NWD2: variants seen among roughly 807,000 people sequenced by gnomAD.
The protein encoded by NWD2 is NACHT and WD repeat domain containing 2.
NWD2 carries 37 observed loss-of-function variants against 132.7 expected under a neutral mutation model. The ratio of observed to expected loss-of-function variants is 0.28; its 90% CI spans 0.21 to 0.37. NWD2 has a LOEUF of 0.37. Ranked by LOEUF, NWD2 falls within the 10% of genes least tolerant of loss-of-function variation. NWD2 has a pLI of 1.00. For synonymous variants in NWD2, 705 were observed against 803.0 expected, an observed-to-expected ratio of 0.88 and a Z score of 2.06; for missense variants, 1,592 against 2,122.4, an observed-to-expected ratio of 0.75 and a Z score of 4.91.
chr4:37,309,600 G>A (rs1776535), intron 1 of NWD2, among the ~76,000 whole-genome samples: 78,328 of 151,872 alleles, frequency 0.52, 20,553 homozygotes, highest in African/African-American at 0.59. Context: ...AATGGCTGGG[G>A]GGAGGTGGGA....
At chr4:37,328,969 C>T (rs1198134095) in intron 2 of NWD2, among the ~76,000 whole-genome samples, 1 of 151,990 alleles carries the variant, frequency 6.6e-6, no homozygotes, top group Non-Finnish European at 1.5e-5. Flanking sequence ...AAGACAGCTG[C>T]ATTCCTTGTC....
At chr4:37,380,050 T>A (rs903061192) in intron 3 of NWD2, among the ~76,000 whole-genome samples, 1 of 152,276 alleles carries the variant, frequency 6.6e-6, no homozygotes, top group Non-Finnish European at 1.5e-5. Context: ...TAAGAATTAA[T>A]GCATTTCATT....
At chr4:37,271,490 A>G (rs1717870325) in intron 1 of NWD2, among the ~76,000 whole-genome samples, 1 of 151,818 alleles carries the variant, frequency 6.6e-6, no homozygotes, top group African/African-American at 2.4e-5. Context: ...TCTTGTATCA[A>G]TCTTTACTTC....
chr4:37,247,909 C>T (rs989543686), intron 1 of NWD2, among the ~76,000 whole-genome samples: 15 of 152,130 alleles, frequency 9.9e-5, no homozygotes, highest in African/African-American at 3.4e-4. Flanking sequence ...CGCACCTAAC[C>T]GTAGAATTTC....
In NWD2 at chr4:37,439,825, G is replaced by T. The variant is rs1712433443; in HGVS notation, c.1296+435G>T. On this transcript the variant is annotated intron_variant, in intron 6 of 6. Coordinates refer to ENST00000309447, the MANE Select transcript of NWD2 (RefSeq NM_001144990.2). The surrounding 1 kb of genome is among the most constrained non-coding windows in gnomAD (Gnocchi z 4.5). ...TCTACACCTTTCTTCCCCATCTGGG[G>T]CCTCTCATAAACAAGGCACCTACAG... is the stretch of plus-strand genomic sequence containing the variant. Among the ~76,000 whole-genome samples the T allele has an allele frequency of 6.6e-6, 1 of 152,150 alleles. No homozygotes were observed. The highest frequency in any genetic ancestry group is 1.5e-5 in the Non-Finnish European group (1 of 68,032).
chr4:37,309,429 G>A (rs1718783024), intron 1 of NWD2, among the ~76,000 whole-genome samples: 1 of 151,984 alleles, frequency 6.6e-6, no homozygotes, highest in South Asian at 2.1e-4. Flanking sequence ...TACACCACGG[G>A]GTCCAACTGG....
chr4:37,426,537 A>G (rs1046422072), intron 3 of NWD2, among the ~76,000 whole-genome samples: 2 of 152,320 alleles, frequency 1.3e-5, no homozygotes, highest in African/African-American at 2.4e-5. Context: ...CAGGTGCTCA[A>G]CTGAAAGAAA....
chr4:37,419,458 C>G (rs1180264718), intron 3 of NWD2, among the ~76,000 whole-genome samples: 2 of 152,132 alleles, frequency 1.3e-5, no homozygotes, highest in African/African-American at 2.4e-5. Flanking sequence ...TCAAAGTAAA[C>G]AGACAACCTA....
At chr4:37,365,533 T>C (rs1452278014) in intron 3 of NWD2, among the ~76,000 whole-genome samples, 1 of 152,232 alleles carries the variant, frequency 6.6e-6, no homozygotes, top group African/African-American at 2.4e-5. Flanking sequence ...TTTGCTCATA[T>C]AGTCCAGAGA....
chr4:37,347,710 A>G (rs968123483), intron 2 of NWD2, among the ~76,000 whole-genome samples: 1 of 152,172 alleles, frequency 6.6e-6, no homozygotes, highest in Admixed American at 6.5e-5. Flanking sequence ...TATAATTATT[A>G]CTTTATATAA....
rs553137030 is a variant in NWD2 at position 37,340,060 on chromosome 4, G to T, written c.240+14036G>T. 5.9e-5 allele frequency among the ~76,000 whole-genome samples: 9 copies of T among 151,484 alleles called. No individual in the cohort carries two copies. The South Asian group carries it at 1.9e-3, about 32-fold the overall frequency. On this transcript the variant is annotated intron_variant, in intron 2 of 6. Coordinates refer to ENST00000309447, the MANE Select transcript of NWD2 (RefSeq NM_001144990.2). ...GATAAGTCTTCATATAATAAAAAGA[G>T]CACTCATTTAAGAGGTCCCCTTTGT...
intron 5 of NWD2, among the ~76,000 whole-genome samples, chr4:37,438,034 G>A (rs1712368902): frequency 6.6e-6 from 1 of 152,132 alleles, no homozygotes; most frequent in South Asian, 2.1e-4. Context: ...GGCTGAGGCA[G>A]GTGGATCACA....
intron 3 of NWD2, among the ~76,000 whole-genome samples, chr4:37,394,811 T>TTGTTTTG (rs1329738455): frequency 1.7e-4 from 21 of 120,812 alleles, no homozygotes; most frequent in East Asian, 2.4e-4. Context: ...TTTTTTTTTT[T>TTGTTTTG]TTTTTTTTTT....
intron 1 of NWD2, among the ~76,000 whole-genome samples, chr4:37,294,175 G>T (rs1311522917): frequency 1.3e-5 from 2 of 152,120 alleles, no homozygotes; most frequent in Non-Finnish European, 2.9e-5. Context: ...CAATCTTGTT[G>T]TAACAGCCTC....
chr4:37,367,413 G>A (rs1308361517), intron 3 of NWD2, among the ~76,000 whole-genome samples: 1 of 151,958 alleles, frequency 6.6e-6, no homozygotes, highest in African/African-American at 2.4e-5. Flanking sequence ...AATTAGAAAA[G>A]ATGAGAATTT....
intron 2 of NWD2, among the ~76,000 whole-genome samples, chr4:37,326,764 A>C (rs1430475334): frequency 1.3e-5 from 2 of 152,234 alleles, no homozygotes; most frequent in African/African-American, 4.8e-5. Flanking sequence ...TATCTAAACT[A>C]CACATTTACA....
In NWD2 at chr4:37,439,951, G is replaced by A. The variant is rs903107825; in HGVS notation, c.1296+561G>A. 2.0e-5 allele frequency among the ~76,000 whole-genome samples: 3 copies of A among 152,134 alleles called. No individual in the cohort carries two copies. Among genetic ancestry groups the A allele is most frequent in the Non-Finnish European group, 4.4e-5 (3 of 68,030 alleles). On this transcript the variant is annotated intron_variant, in intron 6 of 6. Coordinates refer to ENST00000309447, the MANE Select transcript of NWD2 (RefSeq NM_001144990.2). The surrounding 1 kb of genome is among the most constrained non-coding windows in gnomAD (Gnocchi z 4.5). ...ATTCCTATAAAGTCACAGTTTAGGG[G>A]ATATGGGAAAGGTAAGGTGGCCAGA...
At chr4:37,248,538 T>A (rs1271133095) in intron 1 of NWD2, among the ~76,000 whole-genome samples, 3 of 152,218 alleles carry the variant, frequency 2.0e-5, no homozygotes, top group Admixed American at 2.0e-4. Flanking sequence ...ATCTGTGACA[T>A]CTTCATCAAT....
rs1712659109 is a variant in NWD2 at position 37,447,111 on chromosome 4, C to G, written c.5123C>G (p.Ser1708Cys). The change falls in exon 7 of 7, where the codon TCT becomes TGT. Residue 1708 changes from serine (S) to cysteine (C), a missense_variant. Ser to Cys is a moderately radical substitution (Grantham distance 112). Coordinates refer to ENST00000309447, the MANE Select transcript of NWD2 (RefSeq NM_001144990.2). ...GACAGCCCCATCACAGTTAGTGACT[C>G]TACTGAGTCCAATGAAGCAACACCC... ...ARDSPITVSD[S>C]TESNEATPSK... is the part of the protein sequence containing the mutation. 6.4e-7 allele frequency: 1 copy of G among 1,551,538 alleles called. No homozygotes were observed. The highest frequency in any genetic ancestry group is 8.7e-7 in the Non-Finnish European group (1 of 1,146,978).
Sources: allele counts gnomAD v4.1 joint callset (sites outside exome capture counted in the v4.1 genomes callset), GRCh38; gene constraint gnomAD v4.1.1; non-coding constraint Gnocchi (gnomAD v3.1); transcripts MANE v1.5; gene names NCBI Gene and HGNC (gene_info 2026-07-23, HGNC 2026-07-21).